ATXN1: variants seen among roughly 807,000 people sequenced by gnomAD.
ATXN1 encodes the protein ataxin-1.
In ATXN1, 8 loss-of-function variants were observed where a neutral mutation model predicts 56.4. The observed-to-expected ratio is 0.14, with a 90% confidence interval of 0.08 to 0.26. ATXN1 has a LOEUF of 0.26. ATXN1 is among the 10% of genes least tolerant of loss of function. The pLI, the probability that ATXN1 is intolerant of heterozygous loss-of-function variation, is 1.00. For synonymous variants in ATXN1, 514 were observed against 494.6 expected (o/e 1.04, Z -0.52); for missense variants, 987 against 1,106.5 (o/e 0.89, Z 1.53).
rs116422397 is a variant in ATXN1 at position 16,553,736 on chromosome 6, C to A, written c.-360-31048G>T. Among the ~76,000 whole-genome samples the A allele has an allele frequency of 1.8e-3, 270 of 152,338 alleles. 1 individual carries two copies. The highest frequency in any genetic ancestry group is 6.0e-3 in the African/African-American group (250 of 41,576). ...CATGGGCCCTCACCATGGCCCTCAA[C>A]AGCCCATGGCCACAGCTATTGCCTG... On this transcript the variant is annotated intron_variant, in intron 4 of 7. Transcript: ENST00000436367.
intron 6 of ATXN1, among the ~76,000 whole-genome samples, chr6:16,346,444 TG>T (rs1761389715): frequency 6.6e-6 from 1 of 152,140 alleles, no homozygotes; most frequent in Non-Finnish European, 1.5e-5. Flanking sequence ...GGACATGCAG[TG>T]GAAGAGAGGT....
chr6:16,349,804 A>C (rs1446841923), intron 6 of ATXN1, among the ~76,000 whole-genome samples: 1 of 152,210 alleles, frequency 6.6e-6, no homozygotes, highest in East Asian at 1.9e-4. Flanking sequence ...AATTACATCT[A>C]CATTCAAAAA....
At chr6:16,638,390 G>A (rs1763638285) in intron 3 of ATXN1, among the ~76,000 whole-genome samples, 1 of 148,612 alleles carries the variant, frequency 6.7e-6, no homozygotes, top group East Asian at 2.0e-4. Flanking sequence ...AGGCTGCAGT[G>A]AGCCAAGATC....
At chr6:16,436,659 A>C (rs1759398056) in intron 6 of ATXN1, among the ~76,000 whole-genome samples, 1 of 151,976 alleles carries the variant, frequency 6.6e-6, no homozygotes, top group Non-Finnish European at 1.5e-5. Flanking sequence ...GTGTTGGAGG[A>C]ACACCATCGA....
At chr6:16,541,322 C>T (rs918504206) in intron 4 of ATXN1, among the ~76,000 whole-genome samples, 7 of 152,234 alleles carry the variant, frequency 4.6e-5, no homozygotes, top group African/African-American at 1.7e-4. Flanking sequence ...ACGACTCTGA[C>T]CCATGGGGGA....
At chr6:16,456,265 C>T (rs893428566) in intron 6 of ATXN1, among the ~76,000 whole-genome samples, 39 of 152,298 alleles carry the variant, frequency 2.6e-4, no homozygotes, top group African/African-American at 9.4e-4. Flanking sequence ...GGGGGATCCT[C>T]CCAGATATTG....
intron 4 of ATXN1, among the ~76,000 whole-genome samples, chr6:16,564,117 G>GC (rs1762170056): frequency 1.3e-5 from 2 of 152,140 alleles, no homozygotes; most frequent in Admixed American, 1.3e-4. Flanking sequence ...CTAAACCTCA[G>GC]CCCCCGTCTA....
chr6:16,548,199 A>C (rs1388870852), intron 4 of ATXN1, among the ~76,000 whole-genome samples: 1 of 152,228 alleles, frequency 6.6e-6, no homozygotes, highest in Non-Finnish European at 1.5e-5. Flanking sequence ...AAACATACCT[A>C]AATATAGAAA....
At chr6:16,562,980 G>C (rs1202058059) in intron 4 of ATXN1, among the ~76,000 whole-genome samples, 2 of 151,744 alleles carry the variant, frequency 1.3e-5, no homozygotes, top group African/African-American at 4.8e-5. Flanking sequence ...GGGTAGAGAG[G>C]GATCCAGAAA....
At chr6:16,626,982 G>A (rs528490361) in intron 3 of ATXN1, among the ~76,000 whole-genome samples, 5 of 152,296 alleles carry the variant, frequency 3.3e-5, no homozygotes, top group African/African-American at 4.8e-5. Context: ...AGTTTGTGCT[G>A]TTTAAGCCAC....
chr6:16,750,744 T>C (rs1693239020), intron 2 of ATXN1, among the ~76,000 whole-genome samples: 1 of 152,204 alleles, frequency 6.6e-6, no homozygotes, highest in Admixed American at 6.5e-5. Context: ...TGCCTGTTTT[T>C]TCACAATAAA....
chr6:16,327,343 A>G lies in ATXN1; in HGVS notation c.968T>C (p.Val323Ala), dbSNP rs1760838224. ...GCTCTTCTCCATCTCACCGTTCAGG[A>G]CCTCCTTGGCCTGGATGGCCTGCTG... ...RLQQAIQAKE[V>A]LNGEMEKSRR... The change falls in exon 7 of 8, where the codon GTC (valine) becomes GCC (alanine). Residue 323 changes from valine (V) to alanine (A), a missense_variant. Physicochemically the swap from Val to Ala is moderately conservative, Grantham distance 64 (BLOSUM62 0). Transcript: ENST00000436367. 1 of 1,612,106 alleles carries G rather than the reference A, an allele frequency of 6.2e-7. No individual in the cohort carries two copies. The highest frequency in any genetic ancestry group is 8.5e-7 in the Non-Finnish European group (1 of 1,179,814).
intron 6 of ATXN1, among the ~76,000 whole-genome samples, chr6:16,408,048 GGGATATAACATTA>G (rs1223768401): frequency 6.6e-6 from 1 of 152,120 alleles, no homozygotes; most frequent in Admixed American, 6.5e-5. Flanking sequence ...TCAACAACAG[GGGATATAACATTA>G]GGAATATCTA....
chr6:16,372,905 C>T (rs1261705539), intron 6 of ATXN1, among the ~76,000 whole-genome samples: 7 of 151,744 alleles, frequency 4.6e-5, no homozygotes, highest in Admixed American at 4.6e-4. Flanking sequence ...CAAAGTGAGA[C>T]ACTGTATCAA....
Position 16,569,347 on chromosome 6 carries a change from C to T in ATXN1, c.-361+16433G>A, listed in dbSNP as rs147960525. 1.6e-3 allele frequency among the ~76,000 whole-genome samples: 238 copies of T among 152,098 alleles called. 6 individuals carry two copies. The East Asian group carries it at 0.04, about 26-fold the overall frequency. On this transcript the variant is annotated intron_variant, in intron 4 of 7. Coordinates refer to ENST00000436367, the MANE Select transcript of ATXN1 (RefSeq NM_001128164.2). Reference sequence around the variant, plus strand: ...CAGCCTGACCAACATGGTGAAACCTCGTCTCTGCTAAAAATAAAAAATAAA... The same window carrying T: ...CAGCCTGACCAACATGGTGAAACCTTGTCTCTGCTAAAAATAAAAAATAAA...
At chr6:16,757,907 T>A (rs966093478) in intron 1 of ATXN1, among the ~76,000 whole-genome samples, 5 of 152,192 alleles carry the variant, frequency 3.3e-5, no homozygotes, top group African/African-American at 9.7e-5. Flanking sequence ...ATGCAAAGAC[T>A]AGAATACTGC....
At chr6:16,744,534 G>A (rs1760457815) in intron 2 of ATXN1, among the ~76,000 whole-genome samples, 1 of 152,146 alleles carries the variant, frequency 6.6e-6, no homozygotes, top group Non-Finnish European at 1.5e-5. Context: ...AAACACACAG[G>A]TCAGCAACGG....
chr6:16,708,984 C>G (rs1379488205), intron 2 of ATXN1, among the ~76,000 whole-genome samples: 16 of 150,380 alleles, frequency 1.1e-4, no homozygotes, highest in African/African-American at 3.7e-4. Flanking sequence ...CAAGATTGTG[C>G]CACTGAACTC....
rs532356317 is a variant in ATXN1, at chr6:16,648,268, A to G, written c.-489+9508T>C. On this transcript the variant is annotated intron_variant, in intron 3 of 7. Transcript: ENST00000436367. ...ACCTTGGAGAGGGTACAGCCACAAT[A>G]TCACCACATGGACCCACACATACAG... Among the ~76,000 whole-genome samples the G allele has an allele frequency of 2.0e-5, 3 of 152,250 alleles. No homozygotes were observed. The South Asian group carries it at 6.2e-4, about 32-fold the overall frequency.
Sources: gnomAD v4.1 joint callset for allele counts (sites outside exome capture counted in the v4.1 genomes callset) on GRCh38, gnomAD v4.1.1 for gene constraint, MANE v1.5 for transcripts, NCBI Gene and HGNC (gene_info 2026-07-23, HGNC 2026-07-21) for gene names.